Variants in GPM6A observed in about 807,000 individuals in gnomAD.
GPM6A encodes neuronal membrane glycoprotein M6-a.
Under a neutral mutation model 32.1 loss-of-function variants are expected in GPM6A, and 7 were observed. That is an observed-to-expected ratio of 0.22 (90% CI 0.12 to 0.41). The LOEUF (loss-of-function observed/expected upper bound fraction) is 0.41. GPM6A is among the 10% of genes least tolerant of loss of function. The pLI, the probability that GPM6A is intolerant of heterozygous loss-of-function variation, is 1.00. For synonymous variants in GPM6A, 130 were observed against 123.4 expected, an observed-to-expected ratio of 1.05 and a Z score of -0.35; for missense variants, 235 against 347.2, an observed-to-expected ratio of 0.68 and a Z score of 2.57.
intron 1 of GPM6A, among the ~76,000 whole-genome samples, chr4:175,904,189 C>T (rs1263036729): frequency 2.0e-5 from 3 of 151,736 alleles, no homozygotes; most frequent in Non-Finnish European, 4.4e-5. Flanking sequence ...TTTAATTATC[C>T]ATGAAAGACA....
chr4:175,849,961 C>T (rs562401590), intron 1 of GPM6A, among the ~76,000 whole-genome samples: 1 of 152,216 alleles, frequency 6.6e-6, no homozygotes, highest in Admixed American at 6.5e-5. Context: ...TGAGCAAACT[C>T]ATAAATAGAG....
intron 3 of GPM6A, among the ~76,000 whole-genome samples, chr4:175,655,043 T>A (rs1742006396): frequency 6.6e-6 from 1 of 152,156 alleles, no homozygotes; most frequent in African/African-American, 2.4e-5. Context: ...CTTTGAAGTG[T>A]GTTGTTACTG....
intron 1 of GPM6A, among the ~76,000 whole-genome samples, chr4:175,772,280 A>G (rs1043056708): frequency 3.3e-5 from 5 of 152,206 alleles, no homozygotes; most frequent in South Asian, 4.1e-4. Context: ...GAAATTGGAA[A>G]GAGAATGAAT....
chr4:175,691,200 T>C (rs17061785), intron 2 of GPM6A, among the ~76,000 whole-genome samples: 7,175 of 152,268 alleles, frequency 0.047, 204 homozygotes, highest in Non-Finnish European at 0.063. Context: ...GCATAAATAA[T>C]CCTCTGACGA....
chr4:175,685,399 T>G (rs917015573), intron 2 of GPM6A, among the ~76,000 whole-genome samples: 1 of 152,240 alleles, frequency 6.6e-6, no homozygotes, highest in Admixed American at 6.5e-5. Flanking sequence ...GCCAACTTCA[T>G]GTAAGTTTTG....
chr4:175,766,546 T>A (rs575617860), intron 1 of GPM6A, among the ~76,000 whole-genome samples: 1 of 152,216 alleles, frequency 6.6e-6, no homozygotes, highest in African/African-American at 2.4e-5. Context: ...TATTAACTTA[T>A]AAATAAAATG....
intron 1 of GPM6A, among the ~76,000 whole-genome samples, chr4:175,869,026 T>G (rs1337702517): frequency 6.6e-6 from 1 of 152,224 alleles, no homozygotes; most frequent in South Asian, 2.1e-4. Context: ...AATAAATGCA[T>G]AGTATTCTAA....
At chr4:175,663,837 G>A (rs1742577405) in intron 3 of GPM6A, among the ~76,000 whole-genome samples, 1 of 151,630 alleles carries the variant, frequency 6.6e-6, no homozygotes, top group African/African-American at 2.4e-5. Flanking sequence ...GGGACTACAG[G>A]CGCCCGCCAC....
At chr4:175,815,553 T>G (rs1735071668), upstream of GPM6A, among the ~76,000 whole-genome samples, 1 of 152,070 alleles carries the variant, frequency 6.6e-6, no homozygotes, top group Admixed American at 6.6e-5. Context: ...TGTATCGTAT[T>G]GTATTTGCCC....
At chr4:175,962,879 T>A (rs900634832) in intron 1 of GPM6A, among the ~76,000 whole-genome samples, 2 of 152,126 alleles carry the variant, frequency 1.3e-5, no homozygotes, top group Non-Finnish European at 2.9e-5. Context: ...TATCAGATTA[T>A]GAATTTAAAA....
At chr4:175,835,673 T>C (rs1305938745) in intron 1 of GPM6A, among the ~76,000 whole-genome samples, 1 of 146,826 alleles carries the variant, frequency 6.8e-6, no homozygotes, top group Non-Finnish European at 1.5e-5. Context: ...GTGTATAATA[T>C]ATAATATATA....
At chr4:175,842,776 G>A (rs1735980086) in intron 1 of GPM6A, among the ~76,000 whole-genome samples, 1 of 151,930 alleles carries the variant, frequency 6.6e-6, no homozygotes, top group South Asian at 2.1e-4. Flanking sequence ...GCTCTATGAT[G>A]CTATATACCA....
At position 175,683,504 on chromosome 4, in the gene GPM6A, G is replaced by A. The variant is rs1410199400; in HGVS notation, c.231-9668C>T. Among the ~76,000 whole-genome samples, 3 of 152,100 alleles carry A rather than the reference G, an allele frequency of 2.0e-5. No individual in the cohort carries two copies. In the South Asian group the frequency reaches 6.2e-4, roughly 32 times the overall value. On this transcript the variant is annotated intron_variant, in intron 2 of 6. Transcript: ENST00000393658. ...AGATTTGGGAGAGTCCAGGAGTGGA[G>A]TGATATAGTTAGGATATTTGTCCCT... is the stretch of plus-strand genomic sequence containing the variant.
At chr4:175,971,717 CTGTAT>C (rs1486976535) in intron 1 of GPM6A, among the ~76,000 whole-genome samples, 4 of 152,124 alleles carry the variant, frequency 2.6e-5, no homozygotes, top group Non-Finnish European at 4.4e-5. Flanking sequence ...AGCTGTCTTT[CTGTAT>C]TATAGGTTTT....
intron 3 of GPM6A, among the ~76,000 whole-genome samples, chr4:175,658,790 A>T (rs1171681978): frequency 6.6e-6 from 1 of 152,220 alleles, no homozygotes; most frequent in Non-Finnish European, 1.5e-5. Context: ...GAATTTATTC[A>T]TGAGCATATG....
chr4:175,929,909 C>A (rs142814260), intron 1 of GPM6A, among the ~76,000 whole-genome samples: 2 of 152,128 alleles, frequency 1.3e-5, no homozygotes, highest in Non-Finnish European at 2.9e-5. Flanking sequence ...TCAGATACAT[C>A]ACAGCCTTGT....
intron 1 of GPM6A, among the ~76,000 whole-genome samples, chr4:175,868,590 AT>A (rs1175299907): frequency 6.6e-6 from 1 of 152,174 alleles, no homozygotes; most frequent in Non-Finnish European, 1.5e-5. Context: ...ATTCAAAAAT[AT>A]GTTGAGATCA....
chr4:175,816,267 C>T (rs1735097801), upstream of GPM6A, among the ~76,000 whole-genome samples: 1 of 152,080 alleles, frequency 6.6e-6, no homozygotes, highest in African/African-American at 2.4e-5. Flanking sequence ...GTCAGATTTC[C>T]CTTTCAAATA....
intron 1 of GPM6A, among the ~76,000 whole-genome samples, chr4:175,860,186 A>G (rs1376959453): frequency 2.6e-5 from 4 of 152,086 alleles, no homozygotes; most frequent in Non-Finnish European, 4.4e-5. Context: ...AAGTGAGAAG[A>G]TAACAATACA....
Sources: allele counts gnomAD v4.1 joint callset (sites outside exome capture counted in the v4.1 genomes callset), GRCh38; gene constraint gnomAD v4.1.1; transcripts MANE v1.5; gene names NCBI Gene and HGNC (gene_info 2026-07-23, HGNC 2026-07-21).